DLGAP2: variants seen among roughly 807,000 people sequenced by gnomAD.
DLGAP2 encodes the protein DLG associated protein 2.
In DLGAP2, 26 loss-of-function variants were observed where a neutral mutation model predicts 100.3. That is an observed-to-expected ratio of 0.26 (90% CI 0.19 to 0.36). DLGAP2 has a LOEUF of 0.36. Ranked by LOEUF, DLGAP2 falls within the 10% of genes least tolerant of loss-of-function variation. The probability of loss-of-function intolerance (pLI) is 1.00; values close to 1 mark genes in which losing one functional copy is unlikely to be tolerated. For missense variants in DLGAP2, 1,858 were observed against 1,453.2 expected (o/e 1.28, Z -4.53); for synonymous variants, 886 against 630.1 (o/e 1.41, Z -6.08).
intron 12 of DLGAP2, among the ~76,000 whole-genome samples, chr8:1,683,628 GGGGA>G (rs1489820454): frequency 2.7e-5 from 4 of 149,586 alleles, no homozygotes; most frequent in African/African-American, 9.9e-5. Context: ...CAATAGGAAT[GGGGA>G]GGAAGAGAGG....
chr8:1,050,926 G>A (rs541151726), intron 2 of DLGAP2, among the ~76,000 whole-genome samples: 12 of 151,346 alleles, frequency 7.9e-5, no homozygotes, highest in Admixed American at 6.6e-5. Context: ...TCACGTGCCC[G>A]GTCATTTCGT....
intron 3 of DLGAP2, among the ~76,000 whole-genome samples, chr8:1,365,687 G>C (rs1027560665): frequency 1.9e-4 from 29 of 152,302 alleles, no homozygotes; most frequent in African/African-American, 5.1e-4. Flanking sequence ...TCAATCTCGG[G>C]TCCCAGTAGA....
At chr8:1,303,508 C>T (rs1289570276) in intron 3 of DLGAP2, among the ~76,000 whole-genome samples, 1 of 152,088 alleles carries the variant, frequency 6.6e-6, no homozygotes, top group African/African-American at 2.4e-5. Context: ...ATCTCAGCTT[C>T]GCAGACCCTG....
rs570525888 is a variant in DLGAP2, at chr8:1,367,911, A to G, written c.106+109028A>G. 7.7e-4 allele frequency among the ~76,000 whole-genome samples: 118 copies of G among 152,370 alleles called. 1 individual carries two copies. The highest frequency in any genetic ancestry group is 2.7e-3 in the African/African-American group (114 of 41,592). Reference sequence around the variant, plus strand: ...GGGGGCAGAGAAGTCAGATACCCGAACAAGCTCAGTTGTTCCGGATGATCT... The same window carrying G: ...GGGGGCAGAGAAGTCAGATACCCGAGCAAGCTCAGTTGTTCCGGATGATCT... On this transcript the variant is annotated intron_variant, in intron 3 of 14. Coordinates refer to ENST00000637795, the MANE Select transcript of DLGAP2 (RefSeq NM_001346810.2).
chr8:1,248,983 A>T (rs1162677134), intron 2 of DLGAP2, among the ~76,000 whole-genome samples: 1 of 152,148 alleles, frequency 6.6e-6, no homozygotes, highest in Non-Finnish European at 1.5e-5. Flanking sequence ...GCCACAATGT[A>T]AGAGCAGGAC....
chr8:1,487,460 G>C (rs1799260188), intron 3 of DLGAP2, among the ~76,000 whole-genome samples: 1 of 152,138 alleles, frequency 6.6e-6, no homozygotes, highest in Non-Finnish European at 1.5e-5. Context: ...CTGGTATATA[G>C]ATTTATGTAA....
intron 6 of DLGAP2, among the ~76,000 whole-genome samples, chr8:1,600,623 G>T (rs934026544): frequency 1.3e-5 from 2 of 152,116 alleles, no homozygotes; most frequent in Middle Eastern, 3.2e-3. Context: ...TTAATAAGGT[G>T]ATGCTTCAAT....
chr8:908,901 A>G (rs1426387366), intron 2 of DLGAP2, among the ~76,000 whole-genome samples: 30 of 152,032 alleles, frequency 2.0e-4, no homozygotes. Context: ...AATTACAAAG[A>G]CTCTTCTATG....
intron 2 of DLGAP2, among the ~76,000 whole-genome samples, chr8:1,134,095 C>G (rs748107907): frequency 1.3e-5 from 2 of 152,008 alleles, no homozygotes; most frequent in Admixed American, 6.6e-5. Flanking sequence ...GAACATGTGG[C>G]ATTTGTTTTC....
intron 1 of DLGAP2, among the ~76,000 whole-genome samples, chr8:795,660 G>A (rs531622947): frequency 7.4e-6 from 1 of 134,298 alleles, no homozygotes; most frequent in Admixed American, 7.7e-5. Flanking sequence ...CGTCCAGTGA[G>A]AGCAGGTGTC....
intron 2 of DLGAP2, among the ~76,000 whole-genome samples, chr8:1,095,225 C>G (rs1804328420): frequency 1.3e-5 from 2 of 152,182 alleles, no homozygotes; most frequent in Admixed American, 1.3e-4. Context: ...AACACAAAAG[C>G]ACAGGAATGG....
intron 2 of DLGAP2, among the ~76,000 whole-genome samples, chr8:1,039,896 ATGGTCAGCTCGGTGTGCG>A (rs1415348655): frequency 3.9e-5 from 3 of 77,650 alleles, no homozygotes; most frequent in Admixed American, 1.4e-4. Flanking sequence ...CTCGGTATGC[ATGGTCAGCTCGGTGTGCG>A]TGGTCAGCTC....
chr8:899,225 A>C (rs1798204362), intron 1 of DLGAP2, among the ~76,000 whole-genome samples: 1 of 152,174 alleles, frequency 6.6e-6, no homozygotes, highest in Admixed American at 6.5e-5. Context: ...TTCAGTCCTC[A>C]GCTGCCCTAC....
chr8:1,694,396 G>T (rs1236101328), intron 13 of DLGAP2, among the ~76,000 whole-genome samples: 1 of 152,224 alleles, frequency 6.6e-6, no homozygotes, highest in Non-Finnish European at 1.5e-5. Context: ...CCTAGAAAAT[G>T]TCAGAACCCC....
At chr8:1,114,633 T>A (rs1805061014) in intron 2 of DLGAP2, among the ~76,000 whole-genome samples, 1 of 152,128 alleles carries the variant, frequency 6.6e-6, no homozygotes, top group Admixed American at 6.5e-5. Context: ...TACTAATTTT[T>A]TTTTTCAAAA....
chr8:883,660 C>A (rs568396356), intron 1 of DLGAP2, among the ~76,000 whole-genome samples: 1 of 151,598 alleles, frequency 6.6e-6, no homozygotes, highest in East Asian at 2.0e-4. Flanking sequence ...CGGTTCGTTA[C>A]GTAGGTGCGC....
chr8:803,803 G>A (rs10095798), intron 1 of DLGAP2, among the ~76,000 whole-genome samples: 2,614 of 152,266 alleles, frequency 0.017, 32 homozygotes, highest in South Asian at 0.033. Flanking sequence ...AAAATCATGA[G>A]CATAATGAAT....
intron 3 of DLGAP2, among the ~76,000 whole-genome samples, chr8:1,384,343 C>CAGCCCCTGAGAACTT (rs1563119032): frequency 4.7e-5 from 7 of 148,744 alleles, no homozygotes; most frequent in African/African-American, 1.2e-4. Flanking sequence ...GGCCTGTGCC[C>CAGCCCCTGAGAACTT]GGCCCCTGAG....
chr8:1,667,352 C>T (rs1026124035), intron 8 of DLGAP2, among the ~76,000 whole-genome samples: 3 of 152,098 alleles, frequency 2.0e-5, no homozygotes, highest in African/African-American at 7.2e-5. Context: ...GGTGGCCTGT[C>T]CAGCTGTACA....
Sources: gnomAD v4.1 joint callset for allele counts (sites outside exome capture counted in the v4.1 genomes callset) on GRCh38, gnomAD v4.1.1 for gene constraint, MANE v1.5 for transcripts, NCBI Gene and HGNC (gene_info 2026-07-23, HGNC 2026-07-21) for gene names.